Variants in MEDAG observed in about 807,000 individuals in gnomAD.
The protein encoded by MEDAG is mesenteric estrogen dependent adipogenesis.
Under a neutral mutation model 29.9 loss-of-function variants are expected in MEDAG, and 25 were observed. That is an observed-to-expected ratio of 0.84 (90% CI 0.61 to 1.17). The LOEUF (loss-of-function observed/expected upper bound fraction) is 1.17. MEDAG is among the 50% of genes most tolerant of loss of function. The pLI is 0.00. For missense variants in MEDAG, 398 were observed against 372.9 expected (o/e 1.07, Z -0.56); for synonymous variants, 158 against 148.2 (o/e 1.07, Z -0.48).
At chr13:30,919,854 T>C (rs1952965791) in intron 2 of MEDAG, among the ~76,000 whole-genome samples, 1 of 152,168 alleles carries the variant, frequency 6.6e-6, no homozygotes, top group Non-Finnish European at 1.5e-5. Flanking sequence ...TGGAGCTTGA[T>C]GCGGGGGACT....
intron 1 of MEDAG, among the ~76,000 whole-genome samples, chr13:30,910,441 G>A (rs1255200932): frequency 6.6e-6 from 1 of 152,144 alleles, no homozygotes; most frequent in Non-Finnish European, 1.5e-5. Context: ...CATTACTGTT[G>A]TTTCTCCTTT....
intron 1 of MEDAG, among the ~76,000 whole-genome samples, chr13:30,911,261 T>C (rs1281517655): frequency 6.6e-6 from 1 of 152,162 alleles, no homozygotes; most frequent in Non-Finnish European, 1.5e-5. Flanking sequence ...GGAAAATGAA[T>C]GTCTGCAAGG....
intron 4 of MEDAG, chr13:30,922,081 C>A: frequency 2.9e-6 from 1 of 350,414 alleles, no homozygotes; most frequent in South Asian, 7.6e-5. Flanking sequence ...TGCAGTATAC[C>A]CCAAAATAAC....
chr13:30,923,580 G>T (rs1319261024), intron 4 of MEDAG, among the ~76,000 whole-genome samples: 1 of 152,144 alleles, frequency 6.6e-6, no homozygotes, highest in Non-Finnish European at 1.5e-5. Context: ...GCAATCATGT[G>T]GAGGATTATA....
intron 3 of MEDAG, 36 bp downstream of exon 3, chr13:30,921,162 C>A (rs1952981496): frequency 6.5e-7 from 1 of 1,546,816 alleles, no homozygotes; most frequent in Non-Finnish European, 8.9e-7. Flanking sequence ...GGCTGTCAAC[C>A]ACATGGAAGG....
intron 3 of MEDAG, 98 bp from the exon 4 acceptor site, chr13:30,921,463 A>T (rs781576303): frequency 5.6e-6 from 6 of 1,072,192 alleles, no homozygotes; most frequent in Non-Finnish European, 8.1e-6. Flanking sequence ...GGGAAATAAG[A>T]GGTGTGATGT....
intron 2 of MEDAG, among the ~76,000 whole-genome samples, chr13:30,918,014 G>T (rs1952946310): frequency 6.6e-6 from 1 of 152,128 alleles, no homozygotes; most frequent in Non-Finnish European, 1.5e-5. Context: ...CAAGGAGCCT[G>T]GTGGGTGAGG....
chr13:30,915,225 G>A (rs1952916582), intron 1 of MEDAG, among the ~76,000 whole-genome samples: 1 of 151,818 alleles, frequency 6.6e-6, no homozygotes, highest in African/African-American at 2.4e-5. Flanking sequence ...ACTCTTACCT[G>A]CCTGCCTAAT....
At chr13:30,912,867 G>A (rs1428221345) in intron 1 of MEDAG, among the ~76,000 whole-genome samples, 1 of 152,222 alleles carries the variant, frequency 6.6e-6, no homozygotes, top group Admixed American at 6.5e-5. Flanking sequence ...AGCCCTGGTT[G>A]GGAGTCAGAA....
At chr13:30,919,066 T>C (rs75787483) in intron 2 of MEDAG, among the ~76,000 whole-genome samples, 1,694 of 152,266 alleles carry the variant, frequency 0.011, 42 homozygotes, top group African/African-American at 0.038. Flanking sequence ...AGGTAGCCTA[T>C]AGAATGTATG....
In MEDAG at chr13:30,906,562, C is replaced by T. The variant is rs1952831312; in HGVS notation, c.47C>T (p.Ser16Phe). ...CEPVARPSLT[S>F]ISSGELRSLW... ...CCGGTGGCCAGGCCGAGCCTGACCTCCATCTCGTCTGGGGAGCTTCGCAGC... is the reference window on the plus strand; with the variant it reads ...CCGGTGGCCAGGCCGAGCCTGACCTTCATCTCGTCTGGGGAGCTTCGCAGC... Residue 16 changes from serine to phenylalanine, a missense_variant, in exon 1 of 5, where the codon TCC (serine) becomes TTC (phenylalanine). Ser to Phe is a radical substitution (Grantham distance 155, BLOSUM62 -2). Coordinates refer to ENST00000380482, the MANE Select transcript of MEDAG (RefSeq NM_032849.4). The T allele has an allele frequency of 7.0e-6, 11 of 1,572,992 alleles. No individual in the cohort carries two copies. The highest frequency in any genetic ancestry group is 8.6e-6 in the Non-Finnish European group (10 of 1,168,722).
rs12894 is a variant in MEDAG at position 30,925,257 on chromosome 13, G to A, written c.*822G>A. The stretch of plus-strand genomic sequence containing the variant: ...CAAACCTAACACTAAAAGCAAAATA[G>A]AAGAAAGCTATACCATTACCATAAT... On this transcript the variant is annotated 3_prime_UTR_variant, in exon 5 of 5. Transcript: ENST00000380482. The A allele has an allele frequency of 3.9e-3, 590 of 152,154 alleles. 5 individuals carry two copies. The highest frequency in any genetic ancestry group is 0.013 in the African/African-American group (552 of 41,504). 9.4% of individuals were successfully genotyped at this position (152,154 alleles called of 1,614,324 possible).
chr13:30,920,964 T>G, intron 2 of MEDAG, 50 bp from the exon 3 acceptor site: 3 of 1,464,910 alleles, frequency 2.0e-6, no homozygotes, highest in Non-Finnish European at 2.9e-6. Flanking sequence ...AGAAGCATGC[T>G]TATGTCACAT....
rs1237758275 is a variant in MEDAG at position 30,909,808 on chromosome 13, C to T, written c.278+3015C>T. On this transcript the variant is annotated intron_variant, in intron 1 of 4. Transcript: ENST00000380482. ...GGAACCCCGAAAGGCTAAGAGCCAC[C>T]GACCTTGACTTTCAGGTTATTCACT... Among the ~76,000 whole-genome samples, 5 of 152,110 alleles carry T rather than the reference C, an allele frequency of 3.3e-5. No homozygotes were observed. The East Asian group carries it at 5.8e-4, about 18-fold the overall frequency.
At chr13:30,915,807 A>ACACCCCAGCGCCC (rs1414621677) in intron 1 of MEDAG, among the ~76,000 whole-genome samples, 1 of 151,770 alleles carries the variant, frequency 6.6e-6, no homozygotes, top group African/African-American at 2.4e-5. Context: ...TTCCCTTGTA[A>ACACCCCAGCGCCC]CACCCCAGCG....
At chr13:30,924,255 G>C in intron 4 of MEDAG, 56 bp from the exon 5 acceptor site, 1 of 1,524,664 alleles carries the variant, frequency 6.6e-7, no homozygotes, top group Non-Finnish European at 8.9e-7. Flanking sequence ...AGGCACTGTT[G>C]GTTTTTTTTT....
intron 2 of MEDAG, among the ~76,000 whole-genome samples, chr13:30,917,739 A>C (rs1307534633): frequency 2.0e-5 from 3 of 151,942 alleles, no homozygotes; most frequent in Non-Finnish European, 4.4e-5. Flanking sequence ...GGTGCTACAC[A>C]CTCTTAAACA....
intron 1 of MEDAG, among the ~76,000 whole-genome samples, chr13:30,917,059 G>A (rs11839995): frequency 0.015 from 2,239 of 152,164 alleles, 63 homozygotes; most frequent in African/African-American, 0.049. Context: ...CTATTATGTC[G>A]AATTCATTAT....
chr13:30,910,456 A>G (rs1042261905), intron 1 of MEDAG, among the ~76,000 whole-genome samples: 3 of 151,996 alleles, frequency 2.0e-5, no homozygotes, highest in African/African-American at 7.2e-5. Context: ...TCCTTTTTAC[A>G]GATGTAAGCA....
Sources: gnomAD v4.1 joint callset for allele counts (sites outside exome capture counted in the v4.1 genomes callset) on GRCh38, gnomAD v4.1.1 for gene constraint, MANE v1.5 for transcripts, NCBI Gene and HGNC (gene_info 2026-07-23, HGNC 2026-07-21) for gene names.